UIMC1: variants seen among roughly 807,000 people sequenced by gnomAD.
UIMC1 encodes the protein ubiquitin interaction motif containing 1.
Under a neutral mutation model 84.9 loss-of-function variants are expected in UIMC1, and 42 were observed. The ratio of observed to expected loss-of-function variants is 0.49; its 90% CI spans 0.39 to 0.64. The LOEUF is 0.64. UIMC1 is among the 30% of genes least tolerant of loss of function. UIMC1 has a pLI of 0.00. For synonymous variants in UIMC1, 281 were observed against 293.0 expected, an observed-to-expected ratio of 0.96 and a Z score of 0.42; for missense variants, 825 against 847.6, an observed-to-expected ratio of 0.97 and a Z score of 0.33.
intron 10 of UIMC1, among the ~76,000 whole-genome samples, chr5:176,926,637 A>AAAC (rs57287380): frequency 0.097 from 14,659 of 151,498 alleles, 1,467 homozygotes; most frequent in African/African-American, 0.26. Flanking sequence ...ACCCTGTCTC[A>AAAC]AACAACAACA....
At chr5:176,959,451 T>G (rs1463458023) in intron 6 of UIMC1, among the ~76,000 whole-genome samples, 1 of 152,148 alleles carries the variant, frequency 6.6e-6, no homozygotes, top group Non-Finnish European at 1.5e-5. Context: ...GCGCGGTGGC[T>G]CACGCCTGTA....
chr5:176,921,971 T>C (rs940632991), intron 10 of UIMC1, among the ~76,000 whole-genome samples: 1 of 152,194 alleles, frequency 6.6e-6, no homozygotes, highest in Non-Finnish European at 1.5e-5. Context: ...AGTCATTGTG[T>C]CTTTCCTGCA....
intron 6 of UIMC1, among the ~76,000 whole-genome samples, chr5:176,963,478 G>C (rs1767853754): frequency 1.3e-5 from 2 of 149,836 alleles, no homozygotes; most frequent in Non-Finnish European, 3.0e-5. Flanking sequence ...CTGAGATCGT[G>C]TCACTGCACT....
At chr5:176,927,206 GAA>G (rs1220549611) in intron 10 of UIMC1, among the ~76,000 whole-genome samples, 2 of 44,614 alleles carry the variant, frequency 4.5e-5, no homozygotes, top group East Asian at 6.5e-4. Flanking sequence ...CTTTAAAAAA[GAA>G]AAAAAAAAAA....
chr5:176,945,212 T>C (rs539309646), intron 9 of UIMC1, among the ~76,000 whole-genome samples: 50 of 152,362 alleles, frequency 3.3e-4, no homozygotes, highest in Non-Finnish European at 5.4e-4. Flanking sequence ...CAAGTGGGTC[T>C]GGAAGTTCTA....
chr5:176,950,366 C>T (rs892938845), intron 9 of UIMC1, among the ~76,000 whole-genome samples: 5 of 150,876 alleles, frequency 3.3e-5, no homozygotes, highest in African/African-American at 1.2e-4. Context: ...CCAAAGTGCT[C>T]GGATTACAGG....
At chr5:176,940,684 C>A (rs1168512070) in intron 10 of UIMC1, among the ~76,000 whole-genome samples, 1 of 152,060 alleles carries the variant, frequency 6.6e-6, no homozygotes, top group Non-Finnish European at 1.5e-5. Context: ...AGATTTAGGT[C>A]CTCAACTTTC....
intron 14 of UIMC1, 146 bp downstream of exon 14, chr5:176,905,865 G>A: frequency 5.0e-6 from 4 of 804,110 alleles, no homozygotes; most frequent in South Asian, 1.6e-5. Flanking sequence ...GGGGAGCACA[G>A]AGTCATACTG....
intron 2 of UIMC1, chr5:176,980,330 ATCCG>A (rs1770825446): frequency 6.6e-6 from 1 of 151,530 alleles, no homozygotes; most frequent in Non-Finnish European, 1.5e-5. Flanking sequence ...CCATCCGTCC[ATCCG>A]TCCATCCATC....
At chr5:177,017,463 C>T (rs987241317) in intron 1 of UIMC1, among the ~76,000 whole-genome samples, 1 of 152,166 alleles carries the variant, frequency 6.6e-6, no homozygotes, top group Non-Finnish European at 1.5e-5. Flanking sequence ...TCTCGGTTCA[C>T]TGCAACCTCC....
chr5:176,988,677 G>A (rs1772376389), intron 1 of UIMC1, among the ~76,000 whole-genome samples: 1 of 148,872 alleles, frequency 6.7e-6, no homozygotes, highest in African/African-American at 2.5e-5. Context: ...TTTGTTAGGT[G>A]AATTTTTTTT....
At chr5:176,940,254 C>T (rs1023422636) in intron 10 of UIMC1, among the ~76,000 whole-genome samples, 8 of 152,150 alleles carry the variant, frequency 5.3e-5, no homozygotes, top group African/African-American at 9.7e-5. Flanking sequence ...TGTAATTAAA[C>T]GATATCTGAC....
chr5:176,977,596 A>G (rs1770312962), intron 2 of UIMC1, among the ~76,000 whole-genome samples: 2 of 117,738 alleles, frequency 1.7e-5, no homozygotes, highest in Non-Finnish European at 1.6e-5. Flanking sequence ...AAAAAAAAAA[A>G]AGAAAAGAAA....
chr5:176,921,812 G>A (rs564037780), intron 10 of UIMC1, among the ~76,000 whole-genome samples: 1 of 152,090 alleles, frequency 6.6e-6, no homozygotes, highest in East Asian at 1.9e-4. Flanking sequence ...TTTCCACATT[G>A]TAGCCAGAGT....
rs79446133 is a variant in UIMC1, at chr5:176,934,270, T to C, written c.1597+9065A>G. Among the ~76,000 whole-genome samples, 1,492 of 152,246 alleles carry C rather than the reference T, an allele frequency of 9.8e-3. 31 individuals carry two copies. Among genetic ancestry groups the C allele is most frequent in the African/African-American group, 0.034 (1,412 of 41,534 alleles). ...TATATAGAAAAAGACATATAAACACTTTAGAGGTATGAACAAACACTAAAT... is the reference window on the plus strand; with the variant it reads ...TATATAGAAAAAGACATATAAACACCTTAGAGGTATGAACAAACACTAAAT... On this transcript the variant is annotated intron_variant, in intron 10 of 14. Coordinates refer to ENST00000511320, the MANE Select transcript of UIMC1 (RefSeq NM_001199298.2).
chr5:176,977,677 A>T (rs1264297534), intron 2 of UIMC1, among the ~76,000 whole-genome samples: 1 of 151,920 alleles, frequency 6.6e-6, no homozygotes, highest in East Asian at 1.9e-4. Flanking sequence ...TAGGAGGCCA[A>T]GCTGGGTGGA....
chr5:176,947,620 C>T (rs1765298813), intron 9 of UIMC1, among the ~76,000 whole-genome samples: 1 of 152,052 alleles, frequency 6.6e-6, no homozygotes, highest in Non-Finnish European at 1.5e-5. Flanking sequence ...AGATGGAGAC[C>T]ATCCTGGCTA....
chr5:176,925,597 G>C (rs915013258), intron 10 of UIMC1, among the ~76,000 whole-genome samples: 1 of 151,466 alleles, frequency 6.6e-6, no homozygotes, highest in African/African-American at 2.4e-5. Context: ...TCATATGCTA[G>C]AACACTACTC....
intron 1 of UIMC1, among the ~76,000 whole-genome samples, chr5:177,000,831 A>T (rs1200970779): frequency 6.6e-6 from 1 of 152,070 alleles, no homozygotes; most frequent in African/African-American, 2.4e-5. Context: ...TGTCTATTCA[A>T]ATCTTTTGCC....
Sources: allele counts gnomAD v4.1 joint callset (sites outside exome capture counted in the v4.1 genomes callset), GRCh38; gene constraint gnomAD v4.1.1; transcripts MANE v1.5; gene names NCBI Gene and HGNC (gene_info 2026-07-23, HGNC 2026-07-21).